Variants in TULP1 observed in about 807,000 individuals in gnomAD.
The protein encoded by TULP1 is TUB like protein 1, also known as tubby-related protein 1.
Under a neutral mutation model 67.1 loss-of-function variants are expected in TULP1, and 50 were observed. The ratio of observed to expected loss-of-function variants is 0.75; its 90% CI spans 0.59 to 0.94. The LOEUF (loss-of-function observed/expected upper bound fraction) is 0.94. Among genes scored for constraint, TULP1 ranks in the 40% least tolerant of loss-of-function variants. The pLI is 0.00. For missense variants in TULP1, 746 were observed against 734.1 expected (o/e 1.02, Z -0.19); for synonymous variants, 297 against 294.0 (o/e 1.01, Z -0.11).
chr6:35,505,902 G>A (rs1761071012), intron 10 of TULP1, 49 bp from the exon 11 acceptor site: 1 of 1,614,178 alleles, frequency 6.2e-7, no homozygotes, highest in Non-Finnish European at 8.5e-7. Flanking sequence ...AAGGTGGGAA[G>A]GGGTGGAGGT....
At chr6:35,505,023 C>T (rs972871442) in intron 11 of TULP1, among the ~76,000 whole-genome samples, 2 of 152,018 alleles carry the variant, frequency 1.3e-5, no homozygotes, top group African/African-American at 4.8e-5. Flanking sequence ...TGCAACCTCC[C>T]CGTCTTGGGT....
intron 4 of TULP1, 113 bp from the exon 5 acceptor site, chr6:35,511,123 G>A: frequency 1.9e-6 from 3 of 1,550,368 alleles, no homozygotes; most frequent in East Asian, 2.2e-5. Context: ...AGGGGAGCCT[G>A]CCCTTCTGAA....
In TULP1 at chr6:35,503,372, C is replaced by G. The variant is rs1225795179; in HGVS notation, c.1323+187G>C. 3.2e-6 allele frequency: 2 copies of G among 629,684 alleles called. No individual in the cohort carries two copies. Among genetic ancestry groups the G allele is most frequent in the African/African-American group, 3.7e-5 (2 of 54,362 alleles). 39.0% of individuals were successfully genotyped at this position (629,684 alleles called of 1,614,324 possible). A position where few individuals can be genotyped will look rare whatever the true frequency, so the allele number is the denominator to read the frequency against. ...ATTTGATGTAAACTCCAAAAACAAC[C>G]AAAAAGCCCATTGTGGTTTTTCAGT... On this transcript the variant is annotated intron_variant, in intron 13 of 14. Transcript: ENST00000229771. The surrounding 1 kb of genome is among the most constrained non-coding windows in gnomAD (Gnocchi z 4.0).
At chr6:35,508,151 G>A (rs1214224804) in intron 8 of TULP1, among the ~76,000 whole-genome samples, 1 of 152,220 alleles carries the variant, frequency 6.6e-6, no homozygotes, top group East Asian at 1.9e-4. Flanking sequence ...CAGGTTTGCA[G>A]TGTGTTTGAG....
rs1371203038 is a variant in TULP1 at position 35,509,717 on chromosome 6, C to T, written c.635G>A (p.Ser212Asn). 1.9e-6 allele frequency: 3 copies of T among 1,614,000 alleles called. No individual in the cohort carries two copies. The African/African-American group carries it at 4.0e-5, about 22-fold the overall frequency. The change falls in exon 7 of 15, where the codon AGC becomes AAC. Residue 212 changes from serine to asparagine, a missense_variant. Physicochemically the swap from Ser to Asn is conservative, Grantham distance 46. Coordinates refer to ENST00000229771, the MANE Select transcript of TULP1 (RefSeq NM_003322.6). ...TGGGCTCTTCCTCGCACTGGCTGGG[C>T]TCCCTGAGGGGTCCTTGTCGGCCTC... ...SGEADKDPSG[S>N]PASARKSPAA...
intron 7 of TULP1, 130 bp from the exon 8 acceptor site, chr6:35,509,442 C>CA (rs1453234873): frequency 9.0e-7 from 1 of 1,116,064 alleles, no homozygotes; most frequent in African/African-American, 1.5e-5. Context: ...TATTAGAGCC[C>CA]AAAAAGGCTA....
Position 35,504,780 on chromosome 6 carries a change from G to A in TULP1, c.1113-932C>T, listed in dbSNP as rs566324421. 1.3e-4 allele frequency among the ~76,000 whole-genome samples: 19 copies of A among 151,338 alleles called. No individual in the cohort carries two copies. The East Asian group carries it at 1.8e-3, about 14-fold the overall frequency. ...ACGGGGTTTCGCTGTGTTAGCCAGG[G>A]TGGTCTTGATCTCCTGACCTTGTGA... is the stretch of plus-strand genomic sequence containing the variant. On this transcript the variant is annotated intron_variant, in intron 11 of 14. Coordinates refer to ENST00000229771, the MANE Select transcript of TULP1 (RefSeq NM_003322.6).
chr6:35,500,296 G>A, intron 13 of TULP1, 144 bp from the exon 14 acceptor site: 1 of 900,436 alleles, frequency 1.1e-6, no homozygotes, highest in South Asian at 1.3e-5. Context: ...CTGAGAATAG[G>A]CTTGGCATCT....
chr6:35,505,542 G>A lies in TULP1; in HGVS notation c.1112+199C>T, dbSNP rs1761062216. On this transcript the variant is annotated intron_variant, in intron 11 of 14. Transcript: ENST00000229771. ...GTGCTCATTAAAAATGTAGACTCCC[G>A]GGCCCACCCCACACACTCAACCATT... 7 of 1,471,838 alleles carry A rather than the reference G, an allele frequency of 4.8e-6. No individual in the cohort carries two copies. In the South Asian group the frequency reaches 7.3e-5, roughly 15 times the overall value. The allele number at this position is 1,471,838 out of a possible 1,614,324, so 91.2% of individuals were successfully genotyped here.
At position 35,498,589 on chromosome 6, in the gene TULP1, G is replaced by A; in HGVS notation, c.1496-129C>T. ...GCTCCAACCCTCAGCCACCATCTCA[G>A]TTACTCAACACCCATCCCTTCTTCT... On this transcript the variant is annotated intron_variant, in intron 14 of 14. Transcript: ENST00000229771. This position sits in a 1 kb window ranked among gnomAD's most constrained non-coding sequence, Gnocchi z 6.7. 7.3e-7 allele frequency: 1 copy of A among 1,379,300 alleles called. No individual in the cohort carries two copies. The highest frequency in any genetic ancestry group is 9.9e-7 in the Non-Finnish European group (1 of 1,008,030). 85.4% of individuals were successfully genotyped at this position (1,379,300 alleles called of 1,614,324 possible).
At position 35,509,837 on chromosome 6, in the gene TULP1, G is replaced by C. The variant is rs1463106689; in HGVS notation, c.591C>G (p.Thr197=). 4.3e-6 allele frequency: 7 copies of C among 1,613,864 alleles called. No homozygotes were observed. Among genetic ancestry groups the C allele is most frequent in the Non-Finnish European group, 5.9e-6 (7 of 1,180,004 alleles). ...PAGEGTKMRK[T]KKKGSGEADK... ...CTAGGCTGGGCTCACCTTTCTTCTT[G>C]GTCTTTCTCATCTTGGTCCCCTCCC... is the stretch of plus-strand genomic sequence containing the variant. The change falls in exon 6 of 15, where the codon ACC becomes ACG. Residue 197 remains threonine (T), a synonymous_variant. Coordinates refer to ENST00000229771, the MANE Select transcript of TULP1 (RefSeq NM_003322.6).
chr6:35,503,325 T>C lies in TULP1; in HGVS notation c.1323+234A>G. 1.8e-6 allele frequency: 1 copy of C among 552,648 alleles called. No homozygotes were observed. The highest frequency in any genetic ancestry group is 3.3e-6 in the Non-Finnish European group (1 of 306,718). The allele number at this position is 552,648 out of a possible 1,614,324, so 34.2% of individuals were successfully genotyped here. Reference sequence around the variant, plus strand: ...ACTCAATATGTGTGGTCAATGAAGATATGAATGGATGTAATATATGAATTT... The same window carrying C: ...ACTCAATATGTGTGGTCAATGAAGACATGAATGGATGTAATATATGAATTT... On this transcript the variant is annotated intron_variant, in intron 13 of 14. Coordinates refer to ENST00000229771, the MANE Select transcript of TULP1 (RefSeq NM_003322.6). This position sits in a 1 kb window ranked among gnomAD's most constrained non-coding sequence, Gnocchi z 4.0.
rs764491852 is a variant in TULP1, at chr6:35,505,819, C to T, written c.1034G>A (p.Ser345Asn). ...GGAGATGAGGTAATTGGCTGTCTTG[C>T]TCCGTTTTCGTTTCCTGCCAGCCAA... ...FLLAGRKRKR[S>N]KTANYLISID... Residue 345 changes from serine to asparagine, a missense_variant, in exon 11 of 15, where the codon AGC (serine) becomes AAC (asparagine). By Grantham distance (46) the Ser-to-Asn change is conservative. Coordinates refer to ENST00000229771, the MANE Select transcript of TULP1 (RefSeq NM_003322.6). 2.5e-6 allele frequency: 4 copies of T among 1,614,076 alleles called. No individual in the cohort carries two copies. In the African/African-American group the frequency reaches 5.3e-5, roughly 22 times the overall value.
In TULP1 at chr6:35,500,062, T is replaced by C. The variant is rs1207774425; in HGVS notation, c.1414A>G (p.Ser472Gly). 1.9e-6 allele frequency: 3 copies of C among 1,614,208 alleles called. No individual in the cohort carries two copies. Among genetic ancestry groups the C allele is most frequent in the Non-Finnish European group, 2.5e-6 (3 of 1,180,034 alleles). ...TGGAAGTTGAGGGTGTAGGAGCCAC[T>C]GTCATCGTTCCAGACAGGTGGCTTG... The part of the protein sequence containing the change: ...HNKPPVWNDD[S>G]GSYTLNFQGR... Residue 472 changes from serine (S) to glycine (G), a missense_variant, in exon 14 of 15, where the codon AGT becomes GGT. Transcript: ENST00000229771.
chr6:35,506,304 C>T (rs542014299), intron 8 of TULP1, 25 bp from the exon 9 acceptor site: 5 of 1,557,034 alleles, frequency 3.2e-6, no homozygotes, highest in Admixed American at 1.9e-5. Flanking sequence ...AACAGAGAGG[C>T]TGGCTAGAGC....
chr6:35,511,877 C>A, intron 3 of TULP1, 71 bp from the exon 4 acceptor site: 1 of 1,450,782 alleles, frequency 6.9e-7, no homozygotes, highest in South Asian at 1.4e-5. Context: ...TACCCGCTAC[C>A]CCCAAGCCTG....
In TULP1 at chr6:35,512,688, C is replaced by T; in HGVS notation, c.50G>A (p.Gly17Glu). 3 of 1,614,024 alleles carry T rather than the reference C, an allele frequency of 1.9e-6. No homozygotes were observed. The highest frequency in any genetic ancestry group is 2.5e-6 in the Non-Finnish European group (3 of 1,179,990). Reference protein sequence around the residue: ...TLREVWASDSGHEEESLSPEA... With the variant: ...TLREVWASDSEHEEESLSPEA... Reference sequence around the variant, plus strand: ...CGGGCTCAGGCTTTCTTCTTCATGCCCACTGAGGGTAGCAAAGGGATCAGC... The same window carrying T: ...CGGGCTCAGGCTTTCTTCTTCATGCTCACTGAGGGTAGCAAAGGGATCAGC... The change falls in exon 2 of 15, where the codon GGG becomes GAG. Residue 17 changes from glycine to glutamate, a missense_variant and splice_region_variant. This residue lies in a region of TULP1 where 359 missense variants were observed against 341.9 expected (regional missense o/e 1.05). Transcript: ENST00000229771.
rs1424411584 is a variant in TULP1, at chr6:35,512,869, C to T, written c.-11G>A. 2 of 1,612,280 alleles carry T rather than the reference C, an allele frequency of 1.2e-6. No individual in the cohort carries two copies. The highest frequency in any genetic ancestry group is 1.7e-6 in the Non-Finnish European group (2 of 1,180,014). On this transcript the variant is annotated 5_prime_UTR_variant, in exon 1 of 15. Coordinates refer to ENST00000229771, the MANE Select transcript of TULP1 (RefSeq NM_003322.6). ...ATCCCGCAGAGGCATGGTGCCTTTG[C>T]CTATCGCACCCCTTTCTCTGCAGGT... is the stretch of plus-strand genomic sequence containing the variant.
At chr6:35,507,280 AAC>A (rs1003859287) in intron 8 of TULP1, among the ~76,000 whole-genome samples, 12 of 151,484 alleles carry the variant, frequency 7.9e-5, no homozygotes, top group African/African-American at 2.4e-4. Flanking sequence ...ATCTCCAGCT[AAC>A]ACCTACCACA....
Sources: gnomAD v4.1 joint callset for allele counts (sites outside exome capture counted in the v4.1 genomes callset) on GRCh38, gnomAD v4.1.1 for gene constraint, gnomAD v4.1.1 regional missense constraint, Gnocchi (gnomAD v3.1) non-coding constraint, MANE v1.5 for transcripts, NCBI Gene and HGNC (gene_info 2026-07-23, HGNC 2026-07-21) for gene names.